LRRC37A2: variants seen among roughly 807,000 people sequenced by gnomAD.
LRRC37A2 encodes the protein leucine rich repeat containing 37 member A2.
Under a neutral mutation model 68.8 loss-of-function variants are expected in LRRC37A2, and 9 were observed. The ratio of observed to expected loss-of-function variants is 0.13; its 90% CI spans 0.08 to 0.23. LRRC37A2 has a LOEUF of 0.23. Ranked by LOEUF, LRRC37A2 falls within the 10% of genes least tolerant of loss-of-function variation. LRRC37A2 has a pLI of 1.00. For missense variants in LRRC37A2, 168 were observed against 950.4 expected (o/e 0.18, Z 10.82); for synonymous variants, 63 against 367.6 (o/e 0.17, Z 9.48).
the LRRC37A2 span, among the ~76,000 whole-genome samples, chr17:46,832,091 C>T: frequency 1.3e-5 from 2 of 152,210 alleles, no homozygotes; most frequent in Non-Finnish European, 2.9e-5. Context: ...TGGCAGGCTC[C>T]AGGCACTAAA....
chr17:46,803,862 C>T, the LRRC37A2 span, among the ~76,000 whole-genome samples: 1 of 152,224 alleles, frequency 6.6e-6, no homozygotes, highest in Admixed American at 6.5e-5. Context: ...GCCAGATACT[C>T]CAGGAGCCTA....
At chr17:46,501,589 A>G in the LRRC37A2 span, among the ~76,000 whole-genome samples, 1 of 151,208 alleles carries the variant, frequency 6.6e-6, no homozygotes, top group East Asian at 1.9e-4. Flanking sequence ...CAAACTGCCT[A>G]TTTGGAACTC....
chr17:46,935,243 A>C, the LRRC37A2 span: 3 of 1,609,650 alleles, frequency 1.9e-6, no homozygotes, highest in Non-Finnish European at 2.5e-6. Context: ...AACTGTGTTT[A>C]TATTTTGATT....
the LRRC37A2 span, among the ~76,000 whole-genome samples, chr17:46,622,793 TAAG>T: frequency 2.0e-5 from 3 of 150,248 alleles, 1 homozygote; most frequent in African/African-American, 7.5e-5. Context: ...AACACATAAA[TAAG>T]AAATTGTGTA....
At chr17:46,819,677 C>T in the LRRC37A2 span, among the ~76,000 whole-genome samples, 1,790 of 152,330 alleles carry the variant, frequency 0.012, 34 homozygotes, top group African/African-American at 0.04. This position sits in a 1 kb window ranked among gnomAD's most constrained non-coding sequence, Gnocchi z 5.3. Context: ...TGATAGGGAG[C>T]TCCAGCCTGG....
the LRRC37A2 span, among the ~76,000 whole-genome samples, chr17:46,806,445 G>A: frequency 6.6e-6 from 1 of 152,082 alleles, no homozygotes; most frequent in Non-Finnish European, 1.5e-5. Context: ...CCAACCTCAG[G>A]TGATCTGCCT....
chr17:46,779,103 A>ACCCCC, the LRRC37A2 span, among the ~76,000 whole-genome samples: 75 of 133,664 alleles, frequency 5.6e-4, 4 homozygotes, highest in East Asian at 0.011. Flanking sequence ...ACACACACAC[A>ACCCCC]CCCCAGCCCA....
chr17:46,808,443 CAAATTTTT>C, the LRRC37A2 span, among the ~76,000 whole-genome samples: 1 of 152,178 alleles, frequency 6.6e-6, no homozygotes, highest in Non-Finnish European at 1.5e-5. Context: ...TATGAACAAG[CAAATTTTT>C]ACCCCAATAA....
the LRRC37A2 span, among the ~76,000 whole-genome samples, chr17:46,988,364 G>A: frequency 6.6e-6 from 1 of 152,192 alleles, no homozygotes; most frequent in Non-Finnish European, 1.5e-5. Flanking sequence ...ATGGGTACAA[G>A]GTTTCCTTTT....
chr17:46,801,938 G>A, the LRRC37A2 span, among the ~76,000 whole-genome samples: 4 of 152,202 alleles, frequency 2.6e-5, no homozygotes, highest in Non-Finnish European at 4.4e-5. Context: ...ACCACTCAAC[G>A]AAGCCTCATC....
At chr17:46,780,079 A>G in the LRRC37A2 span, among the ~76,000 whole-genome samples, 1 of 152,226 alleles carries the variant, frequency 6.6e-6, no homozygotes, top group Non-Finnish European at 1.5e-5. Flanking sequence ...TTTAGAGAAC[A>G]TTTTTAATCA....
the LRRC37A2 span, among the ~76,000 whole-genome samples, chr17:46,880,921 G>A: frequency 2.0e-4 from 30 of 152,346 alleles, no homozygotes; most frequent in African/African-American, 7.2e-4. Flanking sequence ...GCATGGCTCA[G>A]GGTGGGGCGG....
chr17:46,936,777 C>CG, the LRRC37A2 span: 5 of 981,416 alleles, frequency 5.1e-6, no homozygotes, highest in East Asian at 2.3e-4. Context: ...GTCACTATCT[C>CG]GGGGAAAAAA....
the LRRC37A2 span, among the ~76,000 whole-genome samples, chr17:46,454,527 TAAA>T: frequency 3.7e-5 from 1 of 27,380 alleles, no homozygotes; most frequent in Non-Finnish European, 6.4e-5. Flanking sequence ...AATTTATAGA[TAAA>T]GAAGCAGAGA....
chr17:46,706,753 AT>A, the LRRC37A2 span, among the ~76,000 whole-genome samples: 16 of 136,280 alleles, frequency 1.2e-4, no homozygotes, highest in Non-Finnish European at 2.3e-4. Context: ...TTAAAAAAAC[AT>A]TTCCCAGTGG....
the LRRC37A2 span, among the ~76,000 whole-genome samples, chr17:46,667,731 CA>C: frequency 1.6e-5 from 2 of 123,566 alleles, no homozygotes; most frequent in Non-Finnish European, 3.7e-5. Flanking sequence ...TTCGATTATA[CA>C]CAAGACTTTG....
chr17:46,894,783 C>CG, the LRRC37A2 span, among the ~76,000 whole-genome samples: 3 of 152,240 alleles, frequency 2.0e-5, no homozygotes, highest in African/African-American at 7.2e-5. Context: ...TCAACCCACC[C>CG]GCTCTGATAA....
chr17:46,915,951 C>T, the LRRC37A2 span, among the ~76,000 whole-genome samples: 16 of 152,348 alleles, frequency 1.1e-4, no homozygotes, highest in East Asian at 3.1e-3. Flanking sequence ...CAGTTCACCA[C>T]CAACCCTTGA....
the LRRC37A2 span, among the ~76,000 whole-genome samples, chr17:47,007,210 C>G: frequency 6.6e-6 from 1 of 152,134 alleles, no homozygotes; most frequent in Non-Finnish European, 1.5e-5. Flanking sequence ...CAGAGTCTTG[C>G]TCTGTTGCCG....
Sources: gnomAD v4.1 joint callset for allele counts (sites outside exome capture counted in the v4.1 genomes callset) on GRCh38, gnomAD v4.1.1 for gene constraint, Gnocchi (gnomAD v3.1) non-coding constraint, MANE v1.5 for transcripts, NCBI Gene and HGNC (gene_info 2026-07-23, HGNC 2026-07-21) for gene names.